Variants in PAPPA2 observed in about 807,000 individuals in gnomAD.
PAPPA2 encodes pappalysin-2.
A neutral mutation model predicts 176.4 loss-of-function variants in PAPPA2; 86 were observed. The observed-to-expected ratio is 0.49, with a 90% CI of 0.41 to 0.58. PAPPA2 has a LOEUF of 0.58. Ranked by LOEUF, PAPPA2 falls within the 20% of genes least tolerant of loss-of-function variation. The pLI, the probability that PAPPA2 is intolerant of heterozygous loss-of-function variation, is 0.00. For missense variants in PAPPA2, 2,073 were observed against 2,256.9 expected, an observed-to-expected ratio of 0.92 and a Z score of 1.65; for synonymous variants, 809 against 852.2, an observed-to-expected ratio of 0.95 and a Z score of 0.88.
intron 4 of PAPPA2, among the ~76,000 whole-genome samples, chr1:176,688,285 T>G (rs1348003152): frequency 3.9e-5 from 6 of 152,206 alleles, no homozygotes; most frequent in Non-Finnish European, 8.8e-5. Flanking sequence ...GCTGTTCTCT[T>G]AGAATTATAT....
At chr1:176,811,398 C>A (rs1315253245) in intron 21 of PAPPA2, among the ~76,000 whole-genome samples, 1 of 152,128 alleles carries the variant, frequency 6.6e-6, no homozygotes, top group Non-Finnish European at 1.5e-5. Context: ...ATAATCATTC[C>A]TTCCCTGTTT....
intron 12 of PAPPA2, among the ~76,000 whole-genome samples, chr1:176,713,431 G>A (rs1027680647): frequency 1.3e-5 from 2 of 152,048 alleles, no homozygotes; most frequent in Non-Finnish European, 1.5e-5. Flanking sequence ...TGAGCAAAGG[G>A]GATAATCAAA....
At chr1:176,504,932 A>G (rs1017776778) in intron 1 of PAPPA2, among the ~76,000 whole-genome samples, 4 of 152,122 alleles carry the variant, frequency 2.6e-5, no homozygotes, top group African/African-American at 7.2e-5. Flanking sequence ...GGGCAGCATA[A>G]GTGAGAATAA....
Position 176,842,707 on chromosome 1 carries a change from TGATA to T in PAPPA2, c.*258_*261del. The T allele has an allele frequency of 2.0e-6, 1 of 493,660 alleles. No individual in the cohort carries two copies. The highest frequency in any genetic ancestry group is 3.7e-6 in the Non-Finnish European group (1 of 273,732). 30.6% of individuals were successfully genotyped at this position (493,660 alleles called of 1,614,324 possible). A position where few individuals can be genotyped will look rare whatever the true frequency, so the allele number is the denominator to read the frequency against. On this transcript the variant is annotated 3_prime_UTR_variant, in exon 23 of 23. Transcript: ENST00000367662. ...GTTGATTAACATGGAAGGGGAAATA[TGATA>T]GATATATAAGGACCCTCCTCCCTCA...
At chr1:176,634,141 C>T (rs1656520457) in intron 3 of PAPPA2, among the ~76,000 whole-genome samples, 1 of 152,186 alleles carries the variant, frequency 6.6e-6, no homozygotes, top group African/African-American at 2.4e-5. Context: ...GACACATGCA[C>T]ACGTATGTTT....
At chr1:176,543,223 C>A (rs1291003792) in intron 1 of PAPPA2, among the ~76,000 whole-genome samples, 1 of 152,152 alleles carries the variant, frequency 6.6e-6, no homozygotes, top group Non-Finnish European at 1.5e-5. Context: ...TTGGGGAGTC[C>A]ATGTGTGGCC....
At chr1:176,727,993 TA>T (rs1661962741) in intron 12 of PAPPA2, among the ~76,000 whole-genome samples, 2 of 151,758 alleles carry the variant, frequency 1.3e-5, no homozygotes, top group African/African-American at 4.8e-5. Flanking sequence ...TGGATGCAAT[TA>T]AAAAAAGTAC....
At chr1:176,812,651 G>A (rs1005914609) in intron 21 of PAPPA2, among the ~76,000 whole-genome samples, 5 of 151,940 alleles carry the variant, frequency 3.3e-5, no homozygotes, top group Admixed American at 6.6e-5. Context: ...CATAAAATTT[G>A]AACCATTTCC....
chr1:176,685,584 T>C (rs1435662305), intron 4 of PAPPA2, among the ~76,000 whole-genome samples: 1 of 152,196 alleles, frequency 6.6e-6, no homozygotes, highest in Non-Finnish European at 1.5e-5. Context: ...AAGTAGCATT[T>C]CTTATTATTG....
intron 5 of PAPPA2, among the ~76,000 whole-genome samples, chr1:176,691,475 G>A (rs1029674798): frequency 6.6e-6 from 1 of 152,228 alleles, no homozygotes; most frequent in African/African-American, 2.4e-5. Context: ...GCCATGCAGA[G>A]GGCAGAGCTC....
At chr1:176,628,128 A>G (rs1656132217) in intron 3 of PAPPA2, among the ~76,000 whole-genome samples, 1 of 152,228 alleles carries the variant, frequency 6.6e-6, no homozygotes. Flanking sequence ...ACCATAAGCT[A>G]CATGGGTGCA....
chr1:176,580,570 C>T (rs2745258), intron 2 of PAPPA2, among the ~76,000 whole-genome samples: 127,883 of 151,962 alleles, frequency 0.84, 54,077 homozygotes, highest in East Asian at 0.98. Context: ...CTGTTCTCCA[C>T]AGTGGCTGTA....
At chr1:176,598,452 G>A (rs909720150) in intron 3 of PAPPA2, among the ~76,000 whole-genome samples, 21 of 152,118 alleles carry the variant, frequency 1.4e-4, no homozygotes, top group African/African-American at 4.8e-4. Context: ...TCAATTGTAT[G>A]TATTATAGTA....
At chr1:176,617,463 A>G (rs1655331216) in intron 3 of PAPPA2, among the ~76,000 whole-genome samples, 1 of 151,048 alleles carries the variant, frequency 6.6e-6, no homozygotes, top group South Asian at 2.1e-4. Context: ...TTTATTTCTC[A>G]CCCCCTGAGT....
At chr1:176,739,424 A>G (rs1248012856) in intron 12 of PAPPA2, among the ~76,000 whole-genome samples, 1 of 152,160 alleles carries the variant, frequency 6.6e-6, no homozygotes, top group African/African-American at 2.4e-5. Flanking sequence ...TCTGAAAATT[A>G]TCTTCTTTCC....
intron 6 of PAPPA2, among the ~76,000 whole-genome samples, chr1:176,694,990 G>T (rs567419204): frequency 4.7e-4 from 71 of 152,328 alleles, no homozygotes; most frequent in African/African-American, 1.7e-3. Context: ...AAGTGCTACT[G>T]CAGAGTTTAC....
intron 1 of PAPPA2, among the ~76,000 whole-genome samples, chr1:176,502,146 C>T (rs1179811092): frequency 6.6e-6 from 1 of 152,194 alleles, no homozygotes; most frequent in Non-Finnish European, 1.5e-5. Context: ...TTACTATCCT[C>T]CAGACATCTG....
At chr1:176,642,076 A>T (rs1657125076) in intron 3 of PAPPA2, among the ~76,000 whole-genome samples, 1 of 151,938 alleles carries the variant, frequency 6.6e-6, no homozygotes. Flanking sequence ...TTTAAGTCCC[A>T]GTGAAAGATA....
intron 2 of PAPPA2, among the ~76,000 whole-genome samples, chr1:176,578,623 C>A (rs1174303252): frequency 6.6e-6 from 1 of 152,160 alleles, no homozygotes; most frequent in Non-Finnish European, 1.5e-5. Flanking sequence ...GCTCAGCAAC[C>A]TGCAACAAGA....
Sources: gnomAD v4.1 joint callset for allele counts (sites outside exome capture counted in the v4.1 genomes callset) on GRCh38, gnomAD v4.1.1 for gene constraint, MANE v1.5 for transcripts, NCBI Gene and HGNC (gene_info 2026-07-23, HGNC 2026-07-21) for gene names.